The following CAMK1D variants were observed in gnomAD, a reference collection of about 807,000 sequenced individuals.
The protein encoded by CAMK1D is calcium/calmodulin dependent protein kinase ID, also known as calcium/calmodulin-dependent protein kinase type 1D.
In CAMK1D, 9 loss-of-function variants were observed where a neutral mutation model predicts 47.7. The observed-to-expected ratio is 0.19, with a 90% CI of 0.11 to 0.33. CAMK1D has a LOEUF of 0.33. Ranked by LOEUF, CAMK1D falls within the 10% of genes least tolerant of loss-of-function variation. The pLI is 1.00. For missense variants in CAMK1D, 291 were observed against 488.7 expected (o/e 0.60, Z 3.81); for synonymous variants, 184 against 184.9 (o/e 0.99, Z 0.04).
chr10:12,366,465 G>A (rs945468248), intron 1 of CAMK1D, among the ~76,000 whole-genome samples: 12 of 151,594 alleles, frequency 7.9e-5, no homozygotes, highest in Non-Finnish European at 1.3e-4. Context: ...GACGAGCCTG[G>A]CCAACATAGT....
At chr10:12,516,529 G>T (rs528989391) in intron 1 of CAMK1D, among the ~76,000 whole-genome samples, 1 of 152,322 alleles carries the variant, frequency 6.6e-6, no homozygotes, top group East Asian at 1.9e-4. Context: ...TGGGTCATAT[G>T]TAAGTATTTA....
At chr10:12,442,712 A>C (rs1167091698) in intron 1 of CAMK1D, among the ~76,000 whole-genome samples, 1 of 152,170 alleles carries the variant, frequency 6.6e-6, no homozygotes, top group Non-Finnish European at 1.5e-5. Context: ...AGGTTCTGAA[A>C]GGTTTTATAT....
At chr10:12,577,437 A>G (rs746903976) in intron 2 of CAMK1D, among the ~76,000 whole-genome samples, 1 of 152,250 alleles carries the variant, frequency 6.6e-6, no homozygotes, top group Admixed American at 6.5e-5. Context: ...GCACTGAAAC[A>G]TTGCAGAGCA....
intron 3 of CAMK1D, among the ~76,000 whole-genome samples, chr10:12,724,611 A>T (rs1834534399): frequency 6.6e-6 from 1 of 152,254 alleles, no homozygotes; most frequent in African/African-American, 2.4e-5. Flanking sequence ...TGTCCTAGAC[A>T]CTGAGAAGTC....
intron 1 of CAMK1D, among the ~76,000 whole-genome samples, chr10:12,434,937 G>A (rs534259251): frequency 6.6e-6 from 1 of 152,222 alleles, no homozygotes; most frequent in East Asian, 1.9e-4. Context: ...GGGAGGGAAG[G>A]CTGGGCGCAG....
intron 1 of CAMK1D, among the ~76,000 whole-genome samples, chr10:12,521,509 A>G (rs550416183): frequency 6.6e-6 from 1 of 152,258 alleles, no homozygotes; most frequent in East Asian, 1.9e-4. Context: ...ATAAAGTTTG[A>G]TTTATATATG....
chr10:12,473,448 A>AG (rs1359411097), intron 1 of CAMK1D, among the ~76,000 whole-genome samples: 1 of 152,142 alleles, frequency 6.6e-6, no homozygotes, highest in Non-Finnish European at 1.5e-5. Context: ...AGAAAAAAAA[A>AG]CTGTAACAAT....
chr10:12,685,104 C>T (rs182665231), intron 3 of CAMK1D, among the ~76,000 whole-genome samples: 98 of 152,302 alleles, frequency 6.4e-4, no homozygotes, highest in Middle Eastern at 3.4e-3. Context: ...AGTTCGAGAC[C>T]AGTATGGCCA....
chr10:12,525,107 T>A (rs1835576857), intron 1 of CAMK1D, among the ~76,000 whole-genome samples: 1 of 152,240 alleles, frequency 6.6e-6, no homozygotes, highest in Admixed American at 6.5e-5. Flanking sequence ...CTCGTCACAT[T>A]TTCCTGTAGA....
chr10:12,801,319 A>ATCTG (rs1838432801), intron 6 of CAMK1D, among the ~76,000 whole-genome samples: 2 of 111,448 alleles, frequency 1.8e-5, no homozygotes, highest in Non-Finnish European at 3.6e-5. Context: ...CTATCTATCT[A>ATCTG]TCTATCTATC....
At chr10:12,642,129 T>C (rs1016877450) in intron 2 of CAMK1D, among the ~76,000 whole-genome samples, 1 of 151,722 alleles carries the variant, frequency 6.6e-6, no homozygotes, top group Non-Finnish European at 1.5e-5. Flanking sequence ...AGAAAAATAA[T>C]GGGCATGCAG....
At chr10:12,745,389 A>G (rs181557966) in intron 3 of CAMK1D, among the ~76,000 whole-genome samples, 141 of 152,332 alleles carry the variant, frequency 9.3e-4, no homozygotes, top group African/African-American at 3.1e-3. Flanking sequence ...TTCAAATAAC[A>G]TAAACACATG....
Position 12,817,026 on chromosome 10 carries a change from A to G in CAMK1D, c.833+698A>G, listed in dbSNP as rs150336092. ...GCAAGTCATATCTTACATGGATGGGAGCAGGCAAAAAGAGAGAGCTTGTGC... is the reference window on the plus strand; with the variant it reads ...GCAAGTCATATCTTACATGGATGGGGGCAGGCAAAAAGAGAGAGCTTGTGC... On this transcript the variant is annotated intron_variant, in intron 8 of 10. Transcript: ENST00000619168. Among the ~76,000 whole-genome samples, 460 of 152,196 alleles carry G rather than the reference A, an allele frequency of 3.0e-3. 1 individual carries two copies. The highest frequency in any genetic ancestry group is 0.011 in the African/African-American group (437 of 41,526).
At chr10:12,789,141 C>T (rs1837866509) in intron 5 of CAMK1D, among the ~76,000 whole-genome samples, 1 of 152,220 alleles carries the variant, frequency 6.6e-6, no homozygotes, top group African/African-American at 2.4e-5. Context: ...GTGTGTCCAA[C>T]CCCCGGAGGA....
At chr10:12,605,330 CCATT>C (rs1838420449) in intron 2 of CAMK1D, among the ~76,000 whole-genome samples, 2 of 84,880 alleles carry the variant, frequency 2.4e-5, no homozygotes, top group Non-Finnish European at 5.6e-5. Context: ...TGGATAGAAA[CCATT>C]CAAGTGTGTG....
intron 3 of CAMK1D, among the ~76,000 whole-genome samples, chr10:12,668,107 C>A (rs775085514): frequency 6.6e-6 from 1 of 152,136 alleles, no homozygotes; most frequent in African/African-American, 2.4e-5. Context: ...CTTCTGTTTG[C>A]GTTACACTTT....
At chr10:12,637,609 T>C (rs1839545896) in intron 2 of CAMK1D, among the ~76,000 whole-genome samples, 1 of 138,284 alleles carries the variant, frequency 7.2e-6, no homozygotes, top group Non-Finnish European at 1.5e-5. Context: ...TTTGCTAATG[T>C]AAAGATGTCC....
At chr10:12,729,465 G>A (rs768193475) in intron 3 of CAMK1D, among the ~76,000 whole-genome samples, 5 of 151,952 alleles carry the variant, frequency 3.3e-5, no homozygotes, top group Non-Finnish European at 5.9e-5. Context: ...GCAAGACCTC[G>A]TCTCTACAGA....
At chr10:12,408,804 T>A (rs1322496683) in intron 1 of CAMK1D, among the ~76,000 whole-genome samples, 4 of 151,860 alleles carry the variant, frequency 2.6e-5, no homozygotes, top group South Asian at 2.1e-4. Context: ...GATATAGGCG[T>A]CTTTTTCCTC....
Sources: gnomAD v4.1 joint callset for allele counts (sites outside exome capture counted in the v4.1 genomes callset) on GRCh38, gnomAD v4.1.1 for gene constraint, MANE v1.5 for transcripts, NCBI Gene and HGNC (gene_info 2026-07-23, HGNC 2026-07-21) for gene names.